DCUN1D2: variants seen among roughly 807,000 people sequenced by gnomAD.
DCUN1D2 encodes the protein defective in cullin neddylation 1 domain containing 2, also known as DCN1-like protein 2.
Under a neutral mutation model 30.9 loss-of-function variants are expected in DCUN1D2, and 29 were observed. The ratio of observed to expected loss-of-function variants is 0.94; its 90% confidence interval spans 0.70 to 1.28. The LOEUF is 1.28. Among genes scored for constraint, DCUN1D2 ranks in the 50% most tolerant of loss-of-function variants. The pLI is 0.00. For missense variants in DCUN1D2, 325 were observed against 316.9 expected (o/e 1.03, Z -0.19); for synonymous variants, 121 against 115.3 (o/e 1.05, Z -0.32).
At chr13:113,460,990 C>A in intron 5 of DCUN1D2, 64 bp downstream of exon 5, 3 of 1,005,074 alleles carry the variant, frequency 3.0e-6, no homozygotes, top group Non-Finnish European at 4.6e-6. Context: ...TGATTACATG[C>A]AGCCTCATAC....
At chr13:113,473,037 G>A (rs2044551127) in intron 4 of DCUN1D2, among the ~76,000 whole-genome samples, 1 of 121,552 alleles carries the variant, frequency 8.2e-6, no homozygotes, top group African/African-American at 3.3e-5. Context: ...GTCTCTGCCC[G>A]TGTCCCCCCG....
chr13:113,490,770 G>A, upstream of DCUN1D2: 2 of 1,089,114 alleles, frequency 1.8e-6, no homozygotes, highest in Non-Finnish European at 2.3e-6. This position sits in a 1 kb window ranked among gnomAD's most constrained non-coding sequence, Gnocchi z 5.2. Flanking sequence ...CGGCTCCGGG[G>A]CAGTGCCGGG....
chr13:113,474,446 T>C (rs2044578290), intron 3 of DCUN1D2, among the ~76,000 whole-genome samples, 192 bp from the exon 4 acceptor site: 1 of 152,184 alleles, frequency 6.6e-6, no homozygotes, highest in Non-Finnish European at 1.5e-5. Context: ...ACATCTCCCT[T>C]GCTAAAAGGA....
intron 4 of DCUN1D2, among the ~76,000 whole-genome samples, chr13:113,470,785 G>T (rs1205247306): frequency 6.7e-6 from 1 of 148,732 alleles, no homozygotes; most frequent in African/African-American, 2.5e-5. Context: ...CTCCACAAGG[G>T]ACCCAACTCC....
chr13:113,490,580 C>G lies in DCUN1D2; in HGVS notation c.3+87G>C. The stretch of plus-strand genomic sequence containing the variant: ...CCGCGCAGCTCGCTGGGCTCGGCCT[C>G]CCACATCCAGCGCGCCGCCTGCGCC... On this transcript the variant is annotated intron_variant, in intron 1 of 6. Transcript: ENST00000478244. The surrounding 1 kb of genome is among the most constrained non-coding windows in gnomAD (Gnocchi z 5.2). 1 of 1,164,666 alleles carries G rather than the reference C, an allele frequency of 8.6e-7. No individual in the cohort carries two copies. The highest frequency in any genetic ancestry group is 1.1e-6 in the Non-Finnish European group (1 of 930,508). 72.1% of individuals were successfully genotyped at this position (1,164,666 alleles called of 1,614,324 possible).
Position 113,458,041 on chromosome 13 carries a change from G to C in DCUN1D2, c.768C>G (p.Arg256=), listed in dbSNP as rs760618938. 3 of 1,614,104 alleles carry C rather than the reference G, an allele frequency of 1.9e-6. No homozygotes were observed. The highest frequency in any genetic ancestry group is 1.7e-6 in the Non-Finnish European group (2 of 1,179,954). ...CTTAACTTGCTGCCTAGAAAAGGCT[G>C]CGTTTTCCACCTGTGACTACTGGCC... ...YARPVVTGGK[R]SLF is the part of the protein sequence containing the mutation. The change falls in exon 7 of 7, where the codon CGC becomes CGG. Residue 256 remains arginine (R), a synonymous_variant. Transcript: ENST00000478244.
intron 4 of DCUN1D2, among the ~76,000 whole-genome samples, chr13:113,473,306 A>G (rs1355388429): frequency 6.6e-6 from 1 of 152,012 alleles, no homozygotes; most frequent in Admixed American, 6.6e-5. Context: ...CCAGAGCCCA[A>G]CCCAGCTTCA....
rs953952428 is a variant in DCUN1D2, at chr13:113,456,210, C to A, written c.*1819G>T. On this transcript the variant is annotated 3_prime_UTR_variant, in exon 7 of 7. Transcript: ENST00000478244. ...CAGTTTCCCATTAGAGTTCTGGAAG[C>A]AGAGCCTGGGGAAGGTCTGTCACTT... 2 of 398,552 alleles carry A rather than the reference C, an allele frequency of 5.0e-6. No homozygotes were observed. 24.7% of individuals were successfully genotyped at this position (398,552 alleles called of 1,614,324 possible).
intron 4 of DCUN1D2, among the ~76,000 whole-genome samples, chr13:113,468,638 G>A (rs1275143675): frequency 6.6e-6 from 1 of 152,210 alleles, no homozygotes; most frequent in Non-Finnish European, 1.5e-5. Flanking sequence ...AGCGGCCTAT[G>A]AGGACGCAGC....
chr13:113,484,024 G>T lies in DCUN1D2; in HGVS notation c.36C>A (p.Val12=), dbSNP rs749970867. The T allele has an allele frequency of 2.9e-5, 46 of 1,613,942 alleles. No homozygotes were observed. The highest frequency in any genetic ancestry group is 1.6e-4 in the Middle Eastern group (1 of 6,072). ...CCTGAGTGCACGCCATAAACTGGCG[G>T]ACCTTGTCCTTCTGAGACGATTTAA... ...HKLKSSQKDK[V]RQFMACTQAG... is the part of the protein sequence containing the mutation. The change falls in exon 2 of 7, where the codon GTC becomes GTA. Residue 12 remains valine, a synonymous_variant. Coordinates refer to ENST00000478244, the MANE Select transcript of DCUN1D2 (RefSeq NM_001014283.2).
Position 113,483,837 on chromosome 13 carries a change from T to C in DCUN1D2, c.220+3A>G, listed in dbSNP as rs766755666. 6.2e-6 allele frequency: 10 copies of C among 1,611,854 alleles called. No homozygotes were observed. The highest frequency in any genetic ancestry group is 7.6e-6 in the Non-Finnish European group (9 of 1,179,914). ...GTCCGGCTTTGCTGCAGTCTCCTCT[T>C]ACCTTTGTACCTGCCGTACAGCCGC... On this transcript the variant is annotated splice_donor_region_variant and intron_variant, in intron 2 of 6. Coordinates refer to ENST00000478244, the MANE Select transcript of DCUN1D2 (RefSeq NM_001014283.2).
intron 6 of DCUN1D2, among the ~76,000 whole-genome samples, 176 bp from the exon 7 acceptor site, chr13:113,458,284 C>T (rs918119197): frequency 1.1e-4 from 16 of 152,230 alleles, no homozygotes; most frequent in African/African-American, 3.4e-4. Context: ...CGCCCTAGCA[C>T]GGCCAGGTCG....
chr13:113,470,252 G>T (rs2044479205), intron 4 of DCUN1D2, among the ~76,000 whole-genome samples: 1 of 152,202 alleles, frequency 6.6e-6, no homozygotes, highest in Non-Finnish European at 1.5e-5. Context: ...CCGGAGCCAT[G>T]GGCTGTGCCA....
chr13:113,468,256 T>C (rs761950264), intron 4 of DCUN1D2, among the ~76,000 whole-genome samples: 1 of 151,930 alleles, frequency 6.6e-6, no homozygotes, highest in African/African-American at 2.4e-5. Flanking sequence ...CAAAACATTA[T>C]ACCAAGCGGA....
At chr13:113,461,486 A>G (rs1379272922) in intron 4 of DCUN1D2, among the ~76,000 whole-genome samples, 1 of 152,246 alleles carries the variant, frequency 6.6e-6, no homozygotes. Context: ...GTTTTTAAAA[A>G]TAGGCCACTG....
At chr13:113,487,250 C>T (rs1352070314) in intron 1 of DCUN1D2, among the ~76,000 whole-genome samples, 1 of 152,052 alleles carries the variant, frequency 6.6e-6, no homozygotes, top group Non-Finnish European at 1.5e-5. Flanking sequence ...GAAGTGCAGC[C>T]CCCAAAATGG....
At chr13:113,480,352 T>C in intron 3 of DCUN1D2, 1 of 409,100 alleles carries the variant, frequency 2.4e-6, no homozygotes, top group Non-Finnish European at 4.3e-6. Flanking sequence ...ACAAAAGGGA[T>C]TAATATGAAA....
Position 113,485,077 on chromosome 13 carries a change from C to CAATAAATAAATA in DCUN1D2, c.4-1033_4-1022dup, listed in dbSNP as rs58781524. 7.9e-3 allele frequency among the ~76,000 whole-genome samples: 1,167 copies of CAATAAATAAATA among 148,568 alleles called. 12 individuals carry two copies. The highest frequency in any genetic ancestry group is 0.023 in the African/African-American group (925 of 40,002). ...TGGGCGACAGGGCGAGACTCTATCT[C>CAATAAATAAATA]AATAAATAAATAAATAAATAAATAA... On this transcript the variant is annotated intron_variant, in intron 1 of 6. Transcript: ENST00000478244.
chr13:113,480,519 A>T, intron 3 of DCUN1D2, 56 bp downstream of exon 3: 1 of 1,590,726 alleles, frequency 6.3e-7, no homozygotes, highest in South Asian at 1.1e-5. Flanking sequence ...GCTGAAAAAT[A>T]ATGTTAGAAG....
Sources: allele counts gnomAD v4.1 joint callset (sites outside exome capture counted in the v4.1 genomes callset), GRCh38; gene constraint gnomAD v4.1.1; non-coding constraint Gnocchi (gnomAD v3.1); transcripts MANE v1.5; gene names NCBI Gene and HGNC (gene_info 2026-07-23, HGNC 2026-07-21).